Variants in NSD1 observed in about 807,000 individuals in gnomAD.
NSD1 encodes the protein nuclear receptor binding SET domain protein 1.
A neutral mutation model predicts 242.7 loss-of-function variants in NSD1; 26 were observed. The observed-to-expected ratio is 0.11, with a 90% CI of 0.08 to 0.15. The LOEUF is 0.15. Among genes scored for constraint, NSD1 ranks in the 10% least tolerant of loss-of-function variants. The pLI is 1.00. For synonymous variants in NSD1, 1,106 were observed against 1,178.1 expected (o/e 0.94, Z 1.25); for missense variants, 2,495 against 3,272.8 (o/e 0.76, Z 5.80).
At chr5:177,226,583 T>C (rs1764648330) in intron 5 of NSD1, among the ~76,000 whole-genome samples, 1 of 152,200 alleles carries the variant, frequency 6.6e-6, no homozygotes. Context: ...CTCAGCCAAA[T>C]AGCTGGGACC....
chr5:177,256,887 C>A, intron 12 of NSD1, 64 bp from the exon 13 acceptor site: 2 of 1,403,800 alleles, frequency 1.4e-6, no homozygotes, highest in Non-Finnish European at 2.0e-6. Context: ...AACTTTTCAC[C>A]TAATGGTTTA....
rs766308443 is a variant in NSD1 at position 177,298,185 on chromosome 5, A to G, written c.*2726A>G. On this transcript the variant is annotated 3_prime_UTR_variant, in exon 23 of 23. Coordinates refer to ENST00000439151, the MANE Select transcript of NSD1 (RefSeq NM_022455.5). ...TGTGGGACGTCCCCTGAAGTTTGTA[A>G]TAAGACCCCTTTTCCAAAGGGATGT... The G allele has an allele frequency of 2.6e-5, 6 of 233,146 alleles. No homozygotes were observed. Among genetic ancestry groups the G allele is most frequent in the Non-Finnish European group, 8.5e-6 (1 of 118,062 alleles). The allele number at this position is 233,146 out of a possible 1,614,324, so 14.4% of individuals were successfully genotyped here. A position where few individuals can be genotyped will look rare whatever the true frequency, so the allele number is the denominator to read the frequency against.
rs1432238866 is a variant in NSD1 at position 177,269,900 on chromosome 5, A to T, written c.5509+93A>T. ...AGAATTCACATATGCTCCATTTTGA[A>T]ACTGCCTTTGTCCTCTCAGGGCATT... is the stretch of plus-strand genomic sequence containing the variant. On this transcript the variant is annotated intron_variant, in intron 16 of 22. Coordinates refer to ENST00000439151, the MANE Select transcript of NSD1 (RefSeq NM_022455.5). This position sits in a 1 kb window ranked among gnomAD's most constrained non-coding sequence, Gnocchi z 5.1. 8.8e-7 allele frequency: 1 copy of T among 1,141,282 alleles called. No homozygotes were observed. Among genetic ancestry groups the T allele is most frequent in the Non-Finnish European group, 1.3e-6 (1 of 796,908 alleles). The allele number at this position is 1,141,282 out of a possible 1,614,324, so 70.7% of individuals were successfully genotyped here. A position where few individuals can be genotyped will look rare whatever the true frequency, so the allele number is the denominator to read the frequency against.
At chr5:177,234,418 A>G (rs1206864141) in intron 5 of NSD1, among the ~76,000 whole-genome samples, 3 of 152,310 alleles carry the variant, frequency 2.0e-5, no homozygotes, top group Admixed American at 6.5e-5. Flanking sequence ...GTCAGTTTAT[A>G]AAATGAGAGC....
Position 177,149,118 on chromosome 5 carries a change from C to T in NSD1, c.927+13088C>T, listed in dbSNP as rs935220889. 6.6e-5 allele frequency among the ~76,000 whole-genome samples: 10 copies of T among 152,126 alleles called. No individual in the cohort carries two copies. In the East Asian group the frequency reaches 7.7e-4, roughly 12 times the overall value. On this transcript the variant is annotated intron_variant, in intron 2 of 22. Coordinates refer to ENST00000439151, the MANE Select transcript of NSD1 (RefSeq NM_022455.5). ...TCAGGCATGAGCCATTGCACCTGGC[C>T]GAGTGCTTCAGTTTCTATGCATCCT...
At chr5:177,284,004 A>T in intron 20 of NSD1, 76 bp downstream of exon 20, 2 of 1,544,192 alleles carry the variant, frequency 1.3e-6, no homozygotes, top group Non-Finnish European at 1.8e-6. Context: ...GCTTCCTCAG[A>T]TTATAATTTT....
At chr5:177,245,632 C>CT (rs540362237) in intron 9 of NSD1, among the ~76,000 whole-genome samples, 11,911 of 134,588 alleles carry the variant, frequency 0.088, 543 homozygotes, top group South Asian at 0.15. Context: ...GAATTTCTTT[C>CT]TTTTTTTTTT....
In NSD1 at chr5:177,191,051, C is replaced by G. The variant is rs1761649380; in HGVS notation, c.928-833C>G. Among the ~76,000 whole-genome samples, 3 of 150,628 alleles carry G rather than the reference C, an allele frequency of 2.0e-5. No individual in the cohort carries two copies. In the South Asian group the frequency reaches 6.3e-4, roughly 32 times the overall value. On this transcript the variant is annotated intron_variant, in intron 2 of 22. Coordinates refer to ENST00000439151, the MANE Select transcript of NSD1 (RefSeq NM_022455.5). ...GGTGGCTCTTGGCTCGCTGCAACCT[C>G]CGCCTCCAGGGTTCAAGCGATTCTC...
At chr5:177,151,512 C>T (rs1413018585) in intron 2 of NSD1, among the ~76,000 whole-genome samples, 1 of 151,946 alleles carries the variant, frequency 6.6e-6, no homozygotes, top group African/African-American at 2.4e-5. Context: ...CCTCAGCCTC[C>T]CGACTAGCTG....
Position 177,280,562 on chromosome 5 carries a change from C to T in NSD1, c.5623-3C>T. 6.2e-7 allele frequency: 1 copy of T among 1,614,188 alleles called. No individual in the cohort carries two copies. Among genetic ancestry groups the T allele is most frequent in the Non-Finnish European group, 8.5e-7 (1 of 1,180,038 alleles). The stretch of plus-strand genomic sequence containing the variant: ...TGCGGTGTACTTTGTGTTACTTTTC[C>T]AGGTAAACCGTCCTATTGGCAGGGT... On this transcript the variant is annotated splice_polypyrimidine_tract_variant and splice_region_variant and intron_variant, in intron 17 of 22. Transcript: ENST00000439151.
chr5:177,266,167 T>G (rs1276909106), intron 14 of NSD1: 3 of 1,074,186 alleles, frequency 2.8e-6, no homozygotes, highest in Non-Finnish European at 4.3e-6. Flanking sequence ...GAGCACAGTG[T>G]TGAGCATGGA....
chr5:177,153,057 C>G (rs189382136), intron 2 of NSD1, among the ~76,000 whole-genome samples: 9 of 152,166 alleles, frequency 5.9e-5, no homozygotes, highest in African/African-American at 1.7e-4. Flanking sequence ...AAGTGCTTTT[C>G]TAACAGAGCT....
chr5:177,293,767 A>T lies in NSD1; in HGVS notation c.6464-65A>T, dbSNP rs1033737148. The T allele has an allele frequency of 1.9e-6, 3 of 1,571,776 alleles. No homozygotes were observed. In the African/African-American group the frequency reaches 4.0e-5, roughly 21 times the overall value. ...CATCCACACCTTCGGACTGTAGCATAGCCTTGGCCCATGTGATATGTATCT... is the reference window on the plus strand; with the variant it reads ...CATCCACACCTTCGGACTGTAGCATTGCCTTGGCCCATGTGATATGTATCT... On this transcript the variant is annotated intron_variant, in intron 22 of 22. Transcript: ENST00000439151.
chr5:177,137,949 A>G (rs1463282949), intron 2 of NSD1, among the ~76,000 whole-genome samples: 2 of 151,840 alleles, frequency 1.3e-5, no homozygotes, highest in East Asian at 3.9e-4. Flanking sequence ...ATGGTGGGCA[A>G]CTGTAATCCC....
At position 177,210,311 on chromosome 5, in the gene NSD1, A is replaced by G. The variant is rs748024837; in HGVS notation, c.1912A>G (p.Ile638Val). The G allele has an allele frequency of 1.9e-6, 3 of 1,613,766 alleles. No individual in the cohort carries two copies. Among genetic ancestry groups the G allele is most frequent in the South Asian group, 2.2e-5 (2 of 91,016 alleles). Reference protein sequence around the residue: ...DEEKRSDSISICTTSDDGSSD... With the variant: ...DEEKRSDSISVCTTSDDGSSD... ...GGAAAAGCGAAGTGATTCCATTAGT[A>G]TCTGTACCACTTCTGATGATGGAAG... is the stretch of plus-strand genomic sequence containing the variant. Residue 638 changes from isoleucine to valine, a missense_variant, in exon 5 of 23, where the codon ATC becomes GTC. This residue lies in a region of NSD1 where 515 missense variants were observed against 467.0 expected (regional missense o/e 1.10). Coordinates refer to ENST00000439151, the MANE Select transcript of NSD1 (RefSeq NM_022455.5).
chr5:177,248,163 T>G lies in NSD1; in HGVS notation c.4498-18T>G. The G allele has an allele frequency of 6.2e-7, 1 of 1,613,616 alleles. No homozygotes were observed. The highest frequency in any genetic ancestry group is 8.5e-7 in the Non-Finnish European group (1 of 1,179,842). On this transcript the variant is annotated intron_variant, in intron 10 of 22. Transcript: ENST00000439151. ...ACATCAATAATACAGATGTGGGACA[T>G]TATTTTTTCTTTGCAAGGGAGAACT...
chr5:177,161,329 T>C (rs1758728391), intron 2 of NSD1, among the ~76,000 whole-genome samples: 1 of 151,630 alleles, frequency 6.6e-6, no homozygotes, highest in Non-Finnish European at 1.5e-5. Context: ...TGCAGTGAGC[T>C]CTGATTATGC....
At chr5:177,284,058 C>A in intron 20 of NSD1, 130 bp downstream of exon 20, 1 of 1,171,612 alleles carries the variant, frequency 8.5e-7, no homozygotes, top group Non-Finnish European at 1.3e-6. Context: ...AGTTCATTTA[C>A]ATTTTTGTGC....
At position 177,298,448 on chromosome 5, in the gene NSD1, A is replaced by C. The variant is rs1760385840; in HGVS notation, c.*2989A>C. 1 of 233,166 alleles carries C rather than the reference A, an allele frequency of 4.3e-6. No individual in the cohort carries two copies. Among genetic ancestry groups the C allele is most frequent in the African/African-American group, 2.2e-5 (1 of 45,348 alleles). The allele number at this position is 233,166 out of a possible 1,614,324, so 14.4% of individuals were successfully genotyped here. ...GATTATGAAAAATGTTGAAATTTAC[A>C]TTCAAAGCCTCATTTGCTTATCTTG... On this transcript the variant is annotated 3_prime_UTR_variant, in exon 23 of 23. Transcript: ENST00000439151.
Sources: gnomAD v4.1 joint callset for allele counts (sites outside exome capture counted in the v4.1 genomes callset) on GRCh38, gnomAD v4.1.1 for gene constraint, gnomAD v4.1.1 regional missense constraint, Gnocchi (gnomAD v3.1) non-coding constraint, MANE v1.5 for transcripts, NCBI Gene and HGNC (gene_info 2026-07-23, HGNC 2026-07-21) for gene names.